The following TUSC3 variants were observed in gnomAD, a reference collection of about 807,000 sequenced individuals.
The protein encoded by TUSC3 is tumor suppressor candidate 3, also known as dolichyl-diphosphooligosaccharide--protein glycosyltransferase subunit TUSC3.
Under a neutral mutation model 44.8 loss-of-function variants are expected in TUSC3, and 45 were observed. That is an observed-to-expected ratio of 1.00 (90% CI 0.79 to 1.29). The LOEUF (loss-of-function observed/expected upper bound fraction) is 1.29, where lower values mean the gene tolerates loss of function less well. TUSC3 is among the 50% of genes most tolerant of loss of function. TUSC3 has a pLI of 0.00. For synonymous variants in TUSC3, 212 were observed against 152.9 expected (o/e 1.39, Z -2.85); for missense variants, 519 against 437.9 (o/e 1.19, Z -1.65).
chr8:15,696,551 G>A (rs1374940219), intron 6 of TUSC3, among the ~76,000 whole-genome samples: 2 of 152,094 alleles, frequency 1.3e-5, no homozygotes, highest in African/African-American at 2.4e-5. Flanking sequence ...TGAGAAGAGG[G>A]CCACCGTCCT....
In TUSC3 at chr8:15,724,545, G is replaced by A. The variant is rs897238648; in HGVS notation, c.799-6121G>A. On this transcript the variant is annotated intron_variant, in intron 6 of 10. Coordinates refer to ENST00000503731, the MANE Select transcript of TUSC3 (RefSeq NM_006765.4). Reference sequence around the variant, plus strand: ...TTTTTTCCCTCTGTTTCGTTTTTAGGTTGACAGTAAATTATCATGTTTTCT... The same window carrying A: ...TTTTTTCCCTCTGTTTCGTTTTTAGATTGACAGTAAATTATCATGTTTTCT... 2.6e-5 allele frequency among the ~76,000 whole-genome samples: 4 copies of A among 152,236 alleles called. No individual in the cohort carries two copies. In the East Asian group the frequency reaches 5.8e-4, roughly 22 times the overall value.
At chr8:15,782,588 A>G in the TUSC3 span, among the ~76,000 whole-genome samples, 1 of 152,248 alleles carries the variant, frequency 6.6e-6, no homozygotes, top group African/African-American at 2.4e-5. Flanking sequence ...AACATGCACA[A>G]ATCCATAAAT....
At chr8:15,747,367 T>C (rs192561502) in intron 8 of TUSC3, among the ~76,000 whole-genome samples, 124 of 152,132 alleles carry the variant, frequency 8.2e-4, no homozygotes, top group African/African-American at 2.9e-3. Context: ...AGGTGTATTG[T>C]GCAAATTATG....
chr8:15,590,975 A>T (rs113063847), intron 1 of TUSC3, among the ~76,000 whole-genome samples: 3 of 152,286 alleles, frequency 2.0e-5, no homozygotes, highest in African/African-American at 7.2e-5. Context: ...CAACCAGCCT[A>T]TAATTTGTTT....
chr8:15,842,657 G>A, the TUSC3 span, among the ~76,000 whole-genome samples: 3 of 152,246 alleles, frequency 2.0e-5, no homozygotes, highest in Non-Finnish European at 4.4e-5. Flanking sequence ...AGCTTATGTA[G>A]GAGCTAAACA....
intron 2 of TUSC3, among the ~76,000 whole-genome samples, chr8:15,484,240 C>T (rs1800706543): frequency 6.6e-6 from 1 of 152,110 alleles, no homozygotes; most frequent in African/African-American, 2.4e-5. Flanking sequence ...TTTTCTAAAT[C>T]CTTCTCATGA....
In TUSC3 at chr8:15,739,074, G is replaced by A. The variant is rs186425753; in HGVS notation, c.863-4464G>A. ...TCTTGAACTCCTGACCTTGTGATCC[G>A]CCTGCCTCAGCTTCCCAAAATGCTG... On this transcript the variant is annotated intron_variant, in intron 7 of 10. Coordinates refer to ENST00000503731, the MANE Select transcript of TUSC3 (RefSeq NM_006765.4). 1.6e-3 allele frequency among the ~76,000 whole-genome samples: 241 copies of A among 151,650 alleles called. 1 individual carries two copies. The highest frequency in any genetic ancestry group is 5.5e-3 in the African/African-American group (227 of 41,398).
the TUSC3 span, among the ~76,000 whole-genome samples, chr8:15,789,924 A>G: frequency 3.3e-5 from 5 of 152,170 alleles, no homozygotes; most frequent in Non-Finnish European, 7.4e-5. Context: ...TGCCCAGGAA[A>G]GAATTAAAAG....
At chr8:15,517,342 C>T (rs150247329) in intron 2 of TUSC3, among the ~76,000 whole-genome samples, 3 of 152,004 alleles carry the variant, frequency 2.0e-5, no homozygotes, top group South Asian at 4.1e-4. Flanking sequence ...TACCTCATCA[C>T]GCTGAATTAC....
the TUSC3 span, among the ~76,000 whole-genome samples, chr8:15,818,132 G>T: frequency 6.6e-6 from 1 of 152,214 alleles, no homozygotes; most frequent in African/African-American, 2.4e-5. Context: ...GAAATACTGA[G>T]ATTATTAGGA....
At chr8:15,831,759 G>A in the TUSC3 span, among the ~76,000 whole-genome samples, 1 of 151,988 alleles carries the variant, frequency 6.6e-6, no homozygotes, top group East Asian at 1.9e-4. Flanking sequence ...GAATGAAAAG[G>A]GACAAACAAA....
intron 2 of TUSC3, among the ~76,000 whole-genome samples, chr8:15,517,044 C>T (rs994067874): frequency 6.6e-6 from 1 of 152,044 alleles, no homozygotes; most frequent in Non-Finnish European, 1.5e-5. Flanking sequence ...GGCTTAGATC[C>T]TTTTGTGCCT....
At chr8:15,718,928 G>A (rs894856366) in intron 6 of TUSC3, among the ~76,000 whole-genome samples, 3 of 151,966 alleles carry the variant, frequency 2.0e-5, no homozygotes, top group Admixed American at 1.3e-4. Flanking sequence ...CTTCAAATAT[G>A]TACATATATA....
At chr8:15,719,101 A>G (rs7829984) in intron 6 of TUSC3, among the ~76,000 whole-genome samples, 20,956 of 151,934 alleles carry the variant, frequency 0.14, 2,243 homozygotes, top group African/African-American at 0.29. Flanking sequence ...CCTTGCTTCT[A>G]TGCTTGCTTC....
At chr8:15,802,123 A>G in the TUSC3 span, among the ~76,000 whole-genome samples, 11 of 152,140 alleles carry the variant, frequency 7.2e-5, no homozygotes, top group African/African-American at 2.7e-4. Flanking sequence ...ACACCACGTA[A>G]GAGTAGAAAG....
intron 2 of TUSC3, among the ~76,000 whole-genome samples, chr8:15,645,789 G>C (rs895275040): frequency 6.6e-6 from 1 of 152,110 alleles, no homozygotes; most frequent in Admixed American, 6.5e-5. Flanking sequence ...ATAGTACACA[G>C]ATGTAAAATT....
intron 6 of TUSC3, among the ~76,000 whole-genome samples, chr8:15,714,918 C>G (rs1247082633): frequency 6.6e-6 from 1 of 152,058 alleles, no homozygotes; most frequent in Non-Finnish European, 1.5e-5. Context: ...CTCTTTATAA[C>G]TCTTTATAAT....
chr8:15,731,809 G>A (rs1441496818), intron 7 of TUSC3, among the ~76,000 whole-genome samples: 1 of 152,084 alleles, frequency 6.6e-6, no homozygotes, highest in Non-Finnish European at 1.5e-5. Context: ...TCATAACAAT[G>A]CATTTTTAAA....
At chr8:15,689,287 T>C (rs76133462) in intron 6 of TUSC3, 4,436 of 334,030 alleles carry the variant, frequency 0.013, 185 homozygotes, top group African/African-American at 0.09. Context: ...CATAATTGTC[T>C]CTTGGACCAT....
Sources: gnomAD v4.1 joint callset for allele counts (sites outside exome capture counted in the v4.1 genomes callset) on GRCh38, gnomAD v4.1.1 for gene constraint, MANE v1.5 for transcripts, NCBI Gene and HGNC (gene_info 2026-07-23, HGNC 2026-07-21) for gene names.